Variants in FBXL5 observed in about 807,000 individuals in gnomAD.
FBXL5 encodes the protein F-box/LRR-repeat protein 5.
Under a neutral mutation model 78.3 loss-of-function variants are expected in FBXL5, and 26 were observed. That is an observed-to-expected ratio of 0.33 (90% CI 0.24 to 0.46). The LOEUF (loss-of-function observed/expected upper bound fraction) is 0.46, where lower values mean the gene tolerates loss of function less well. Ranked by LOEUF, FBXL5 falls within the 20% of genes least tolerant of loss-of-function variation. The pLI is 1.00. For missense variants in FBXL5, 710 were observed against 829.2 expected, an observed-to-expected ratio of 0.86 and a Z score of 1.77; for synonymous variants, 295 against 282.5, an observed-to-expected ratio of 1.04 and a Z score of -0.45.
At chr4:15,659,851 G>A (rs1037392061), upstream of FBXL5, 4 of 399,842 alleles carry the variant, frequency 1.0e-5, no homozygotes, top group Non-Finnish European at 1.4e-5. Context: ...TGGCCTGAGG[G>A]AAAGGTGGCT....
chr4:15,634,675 T>A (rs1037976157), intron 5 of FBXL5, among the ~76,000 whole-genome samples: 11 of 152,178 alleles, frequency 7.2e-5, no homozygotes, highest in South Asian at 2.1e-4. Flanking sequence ...CCATTTTTTT[T>A]ATTTTTTTAG....
intron 9 of FBXL5, among the ~76,000 whole-genome samples, chr4:15,624,082 C>G (rs899115941): frequency 5.9e-5 from 9 of 152,026 alleles, no homozygotes; most frequent in Non-Finnish European, 1.2e-4. Flanking sequence ...CCTTGGCCTC[C>G]CAAAGTGCTG....
intron 10 of FBXL5, among the ~76,000 whole-genome samples, chr4:15,607,046 A>T (rs561038030): frequency 6.6e-6 from 1 of 152,342 alleles, no homozygotes; most frequent in East Asian, 1.9e-4. Context: ...AAATTTCTTA[A>T]GACATACAGT....
chr4:15,609,304 G>A (rs959787789), intron 10 of FBXL5, among the ~76,000 whole-genome samples: 2 of 151,968 alleles, frequency 1.3e-5, no homozygotes, highest in Admixed American at 1.3e-4. Context: ...ATTTAAATGC[G>A]TGGTAAAGAA....
chr4:15,641,848 G>A (rs1039010056), intron 2 of FBXL5, among the ~76,000 whole-genome samples: 2 of 151,924 alleles, frequency 1.3e-5, no homozygotes, highest in African/African-American at 2.4e-5. Context: ...CCAACGCGGC[G>A]AAACCCTGTC....
At chr4:15,610,076 C>G (rs1272637493) in intron 10 of FBXL5, among the ~76,000 whole-genome samples, 2 of 151,806 alleles carry the variant, frequency 1.3e-5, no homozygotes, top group Non-Finnish European at 2.9e-5. Context: ...GCTCTAATAC[C>G]ACGTATTAAA....
intron 6 of FBXL5, among the ~76,000 whole-genome samples, 186 bp downstream of exon 6, chr4:15,630,480 T>G (rs1713513394): frequency 6.6e-6 from 1 of 152,240 alleles, no homozygotes; most frequent in African/African-American, 2.4e-5. Flanking sequence ...CTATGCACTC[T>G]TTAAAGTACT....
intron 9 of FBXL5, among the ~76,000 whole-genome samples, chr4:15,619,382 G>T (rs1712246564): frequency 6.6e-6 from 1 of 151,962 alleles, no homozygotes; most frequent in South Asian, 2.1e-4. Flanking sequence ...TCAACTTTCA[G>T]TATATGAAAA....
intron 2 of FBXL5, among the ~76,000 whole-genome samples, chr4:15,641,250 C>A (rs957584380): frequency 2.6e-5 from 4 of 152,086 alleles, no homozygotes; most frequent in Admixed American, 6.6e-5. Context: ...TTATGGTCAT[C>A]TAGTGTCTCC....
upstream of FBXL5, chr4:15,656,212 A>T (rs1284229979): frequency 2.2e-6 from 1 of 456,122 alleles, no homozygotes; most frequent in African/African-American, 2.0e-5. Flanking sequence ...GTTCGGAGAG[A>T]AAACAAGGTC....
intron 1 of FBXL5, among the ~76,000 whole-genome samples, chr4:15,676,253 A>C (rs1434641756): frequency 6.6e-6 from 1 of 152,220 alleles, no homozygotes; most frequent in Non-Finnish European, 1.5e-5. Context: ...TTTATAAACT[A>C]CCGCATAAAA....
chr4:15,669,893 G>A (rs567814274), intron 1 of FBXL5, among the ~76,000 whole-genome samples: 1 of 152,160 alleles, frequency 6.6e-6, no homozygotes, highest in African/African-American at 2.4e-5. Flanking sequence ...TTATCCAAGG[G>A]TTCCAAAAGA....
intron 9 of FBXL5, among the ~76,000 whole-genome samples, chr4:15,621,535 T>C (rs1354029154): frequency 6.6e-6 from 1 of 152,084 alleles, no homozygotes; most frequent in East Asian, 1.9e-4. Context: ...TGGATAAACA[T>C]AATGTGGTAT....
chr4:15,658,200 T>C (rs149703927), upstream of FBXL5, among the ~76,000 whole-genome samples: 438 of 152,332 alleles, frequency 2.9e-3, 6 homozygotes, highest in African/African-American at 0.01. Context: ...CTTTCCCTAA[T>C]AGGGGATTAG....
At chr4:15,671,711 T>G (rs1396259248) in intron 1 of FBXL5, among the ~76,000 whole-genome samples, 1 of 152,174 alleles carries the variant, frequency 6.6e-6, no homozygotes, top group African/African-American at 2.4e-5. Flanking sequence ...CATTACACAC[T>G]AGGGTGCTTA....
intron 1 of FBXL5, among the ~76,000 whole-genome samples, chr4:15,650,398 T>C (rs1436553513): frequency 6.6e-6 from 1 of 152,178 alleles, no homozygotes; most frequent in East Asian, 1.9e-4. Context: ...TGATGTACTC[T>C]AGTATTTACT....
intron 1 of FBXL5, among the ~76,000 whole-genome samples, chr4:15,678,051 G>A (rs1402831407): frequency 6.6e-6 from 1 of 152,212 alleles, no homozygotes. Context: ...TTAAATGGGC[G>A]GGTGGGTGTG....
chr4:15,669,723 A>G (rs1464716175), intron 1 of FBXL5, among the ~76,000 whole-genome samples: 1 of 152,216 alleles, frequency 6.6e-6, no homozygotes, highest in African/African-American at 2.4e-5. Flanking sequence ...TAAATACTCA[A>G]TACTAGTTGG....
At chr4:15,674,930 C>T (rs940199989) in intron 1 of FBXL5, among the ~76,000 whole-genome samples, 1 of 151,996 alleles carries the variant, frequency 6.6e-6, no homozygotes, top group Admixed American at 6.6e-5. Flanking sequence ...ATTACAGGCA[C>T]GAGCCACCGC....
Sources: gnomAD v4.1 joint callset for allele counts (sites outside exome capture counted in the v4.1 genomes callset) on GRCh38, gnomAD v4.1.1 for gene constraint, MANE v1.5 for transcripts, NCBI Gene and HGNC (gene_info 2026-07-23, HGNC 2026-07-21) for gene names.